INPP5A: variants seen among roughly 807,000 people sequenced by gnomAD.
INPP5A encodes inositol polyphosphate-5-phosphatase A, also known as 43 kDa inositol polyphosphate 5-phophatase.
A neutral mutation model predicts 65.2 loss-of-function variants in INPP5A; 14 were observed. The observed-to-expected ratio is 0.21, with a 90% confidence interval of 0.14 to 0.34. INPP5A has a LOEUF of 0.34. INPP5A is among the 10% of genes least tolerant of loss of function. The pLI is 1.00. For synonymous variants in INPP5A, 207 were observed against 208.3 expected (o/e 0.99, Z 0.05); for missense variants, 431 against 545.6 (o/e 0.79, Z 2.09).
chr10:132,628,473 G>T (rs1241666798), intron 2 of INPP5A, among the ~76,000 whole-genome samples: 3 of 151,004 alleles, frequency 2.0e-5, no homozygotes, highest in Admixed American at 6.6e-5. Context: ...CGGGGGGGGG[G>T]GGGGGCGTGG....
chr10:132,709,030 A>G (rs1845588396), intron 7 of INPP5A, among the ~76,000 whole-genome samples: 7 of 151,360 alleles, frequency 4.6e-5, no homozygotes, highest in Admixed American at 4.6e-4. Flanking sequence ...GACCGCCCTA[A>G]ACTTAGCAGC....
intron 4 of INPP5A, among the ~76,000 whole-genome samples, chr10:132,660,656 G>A (rs543769268): frequency 4.6e-5 from 7 of 152,322 alleles, no homozygotes; most frequent in African/African-American, 1.4e-4. Context: ...GCCATTCACG[G>A]TGAGAGAAGA....
intron 2 of INPP5A, among the ~76,000 whole-genome samples, chr10:132,645,183 G>A (rs932001550): frequency 3.3e-5 from 5 of 151,648 alleles, no homozygotes; most frequent in African/African-American, 1.2e-4. Flanking sequence ...GGGGACCTCA[G>A]AGACATGTCG....
At chr10:132,667,672 A>C (rs1272394142) in intron 4 of INPP5A, among the ~76,000 whole-genome samples, 1 of 152,226 alleles carries the variant, frequency 6.6e-6, no homozygotes, top group African/African-American at 2.4e-5. Context: ...TAAAATTGTC[A>C]TTTTAATTTA....
intron 6 of INPP5A, among the ~76,000 whole-genome samples, chr10:132,703,585 A>G (rs1483647133): frequency 1.9e-4 from 26 of 138,026 alleles, no homozygotes; most frequent in Admixed American, 7.3e-5. Flanking sequence ...TCACCCCTGC[A>G]CACACATGGC....
chr10:132,619,699 C>A (rs1315191868), intron 2 of INPP5A, among the ~76,000 whole-genome samples: 1 of 152,222 alleles, frequency 6.6e-6, no homozygotes, highest in East Asian at 1.9e-4. Flanking sequence ...CATCCTGTTA[C>A]CCAGGCTGGA....
intron 1 of INPP5A, among the ~76,000 whole-genome samples, chr10:132,554,071 G>A (rs918723618): frequency 2.0e-5 from 3 of 151,526 alleles, no homozygotes; most frequent in African/African-American, 7.3e-5. Flanking sequence ...AGGGAGGACT[G>A]GTGAACACCT....
intron 1 of INPP5A, among the ~76,000 whole-genome samples, chr10:132,606,759 G>A (rs1340191972): frequency 6.6e-6 from 1 of 152,212 alleles, no homozygotes; most frequent in East Asian, 1.9e-4. Context: ...CATGCCCACG[G>A]CCACGGAGGC....
At chr10:132,778,112 T>C (rs1298265692) in intron 13 of INPP5A, among the ~76,000 whole-genome samples, 1 of 152,176 alleles carries the variant, frequency 6.6e-6, no homozygotes, top group South Asian at 2.1e-4. Flanking sequence ...AACGTGCTCT[T>C]GTGCGTTCCA....
chr10:132,720,622 A>G (rs1845853422), intron 8 of INPP5A, among the ~76,000 whole-genome samples: 3 of 138,062 alleles, frequency 2.2e-5, no homozygotes, highest in Non-Finnish European at 3.1e-5. Flanking sequence ...GTTCTGTGGT[A>G]CCTGGGTTCT....
rs963486316 is a variant in INPP5A at position 132,707,055 on chromosome 10, C to T, written c.475-1258C>T. Among the ~76,000 whole-genome samples the T allele has an allele frequency of 4.6e-5, 7 of 152,220 alleles. No individual in the cohort carries two copies. The highest frequency in any genetic ancestry group is 7.3e-5 in the Non-Finnish European group (5 of 68,030). ...TCAAAGGGAGAGCCTCTGATCACTG[C>T]GCTCTCCGTGTTAGATAGAGGGAGC... is the stretch of plus-strand genomic sequence containing the variant. On this transcript the variant is annotated intron_variant, in intron 6 of 15. Coordinates refer to ENST00000368594, the MANE Select transcript of INPP5A (RefSeq NM_005539.5). This position sits in a 1 kb window ranked among gnomAD's most constrained non-coding sequence, Gnocchi z 5.5.
intron 1 of INPP5A, among the ~76,000 whole-genome samples, chr10:132,591,293 G>A (rs2133313855): frequency 6.6e-6 from 1 of 152,180 alleles, no homozygotes; most frequent in South Asian, 2.1e-4. Context: ...GATTGTGTTT[G>A]GATTTTGAGT....
chr10:132,672,993 C>T (rs185011194), intron 4 of INPP5A, among the ~76,000 whole-genome samples: 95 of 152,310 alleles, frequency 6.2e-4, no homozygotes, highest in Admixed American at 2.6e-3. Flanking sequence ...TGTAGTTTCC[C>T]GTTGACCTTA....
chr10:132,740,367 G>A (rs914226903), intron 9 of INPP5A, among the ~76,000 whole-genome samples: 14 of 152,184 alleles, frequency 9.2e-5, no homozygotes, highest in African/African-American at 3.4e-4. Flanking sequence ...CAGGAGCGGT[G>A]GGAGCCTCTT....
At position 132,691,100 on chromosome 10, in the gene INPP5A, A is replaced by G. The variant is rs375309086; in HGVS notation, c.370+645A>G. ...TGTGAAGTGCCCTGCACGTCGTAGTAACTGTGGAGCCACAAACGATGTCGT... is the reference window on the plus strand; with the variant it reads ...TGTGAAGTGCCCTGCACGTCGTAGTGACTGTGGAGCCACAAACGATGTCGT... On this transcript the variant is annotated intron_variant, in intron 5 of 15. Transcript: ENST00000368594. Among the ~76,000 whole-genome samples, 9 of 152,336 alleles carry G rather than the reference A, an allele frequency of 5.9e-5. No individual in the cohort carries two copies. The East Asian group carries it at 1.7e-3, about 29-fold the overall frequency.
chr10:132,564,212 C>T (rs977681985), intron 1 of INPP5A, among the ~76,000 whole-genome samples: 6 of 152,064 alleles, frequency 3.9e-5, no homozygotes, highest in Non-Finnish European at 5.9e-5. Flanking sequence ...GTATGGCCAC[C>T]GCCATCAGTG....
rs2072569774 is a variant in INPP5A, at chr10:132,651,024, C to G, written c.306+519C>G. 6.6e-6 allele frequency among the ~76,000 whole-genome samples: 1 copy of G among 152,120 alleles called. No homozygotes were observed. Among genetic ancestry groups the G allele is most frequent in the African/African-American group, 2.4e-5 (1 of 41,414 alleles). ...GAGCCTTCCACAGGGCTGGGAAAGA[C>G]CTGTCCCTCCTCTGCGGTCCTCTGT... On this transcript the variant is annotated intron_variant, in intron 4 of 15. Coordinates refer to ENST00000368594, the MANE Select transcript of INPP5A (RefSeq NM_005539.5). This position sits in a 1 kb window ranked among gnomAD's most constrained non-coding sequence, Gnocchi z 5.0.
rs2071405062 is a variant in INPP5A at position 132,575,714 on chromosome 10, C to T, written c.76-32201C>T. Among the ~76,000 whole-genome samples, 1 of 152,204 alleles carries T rather than the reference C, an allele frequency of 6.6e-6. No homozygotes were observed. Among genetic ancestry groups the T allele is most frequent in the Non-Finnish European group, 1.5e-5 (1 of 68,040 alleles). ...TCCTGACGCCTCAGCGCCTGGCCCT[C>T]AGGACAGCCTTTCCCCGGTTCCCTG... On this transcript the variant is annotated intron_variant, in intron 1 of 15. Transcript: ENST00000368594. This position sits in a 1 kb window ranked among gnomAD's most constrained non-coding sequence, Gnocchi z 5.4.
chr10:132,568,984 C>T (rs951249795), intron 1 of INPP5A, among the ~76,000 whole-genome samples: 2 of 145,684 alleles, frequency 1.4e-5, no homozygotes, highest in Non-Finnish European at 3.0e-5. Context: ...GGCACGATCT[C>T]GGCTCACCAC....
Sources: gnomAD v4.1 joint callset for allele counts (sites outside exome capture counted in the v4.1 genomes callset) on GRCh38, gnomAD v4.1.1 for gene constraint, Gnocchi (gnomAD v3.1) non-coding constraint, MANE v1.5 for transcripts, NCBI Gene and HGNC (gene_info 2026-07-23, HGNC 2026-07-21) for gene names.